DNAH6: variants seen among roughly 807,000 people sequenced by gnomAD.
The protein encoded by DNAH6 is dynein axonemal heavy chain 6.
In DNAH6, 340 loss-of-function variants were observed where a neutral mutation model predicts 491.4. The observed-to-expected ratio is 0.69, with a 90% CI of 0.63 to 0.76. DNAH6 has a LOEUF of 0.76. Ranked by LOEUF, DNAH6 falls within the 30% of genes least tolerant of loss-of-function variation. DNAH6 has a pLI of 0.00. For synonymous variants in DNAH6, 1,603 were observed against 1,686.1 expected, an observed-to-expected ratio of 0.95 and a Z score of 1.21; for missense variants, 4,443 against 4,972.2, an observed-to-expected ratio of 0.89 and a Z score of 3.20.
chr2:84,727,987 T>G, intron 61 of DNAH6, 85 bp downstream of exon 61: 3 of 849,372 alleles, frequency 3.5e-6, no homozygotes, highest in Non-Finnish European at 5.7e-6. Context: ...GCTACCATAA[T>G]TCCCATGTGC....
At chr2:84,511,798 T>C (rs1190886381), upstream of DNAH6, among the ~76,000 whole-genome samples, 1 of 152,246 alleles carries the variant, frequency 6.6e-6, no homozygotes, top group Admixed American at 6.5e-5. Flanking sequence ...TTCCCTCTTC[T>C]TCTGTTAATA....
chr2:84,525,641 C>T lies in DNAH6; in HGVS notation c.302C>T (p.Ala101Val). Residue 101 changes from alanine to valine, a missense_variant, in exon 3 of 77, where the codon GCA (alanine) becomes GTA (valine). By Grantham distance (64) the Ala-to-Val change is moderately conservative (BLOSUM62 0). Coordinates refer to ENST00000389394, the MANE Select transcript of DNAH6 (RefSeq NM_001370.2). ...HEQNRFQLMT[A>V]GIIKRPVSIA... Reference sequence around the variant, plus strand: ...CAGAACCGATTTCAGTTAATGACTGCAGGAATCATTAAACGTCCAGTAAGC... The same window carrying T: ...CAGAACCGATTTCAGTTAATGACTGTAGGAATCATTAAACGTCCAGTAAGC... 1 of 1,550,530 alleles carries T rather than the reference C, an allele frequency of 6.4e-7. No individual in the cohort carries two copies. Among genetic ancestry groups the T allele is most frequent in the South Asian group, 1.2e-5 (1 of 83,970 alleles).
chr2:84,814,583 A>G (rs1187106884), intron 75 of DNAH6, among the ~76,000 whole-genome samples: 1 of 152,168 alleles, frequency 6.6e-6, no homozygotes, highest in Non-Finnish European at 1.5e-5. Context: ...TTGAGGCTCC[A>G]GGAAGGTAAA....
In DNAH6 at chr2:84,762,829, G is replaced by C; in HGVS notation, c.10587G>C (p.Leu3529=). 1 of 1,551,200 alleles carries C rather than the reference G, an allele frequency of 6.4e-7. No individual in the cohort carries two copies. Among genetic ancestry groups the C allele is most frequent in the Non-Finnish European group, 8.7e-7 (1 of 1,146,630 alleles). ...TTATAGAGACACCACCTGTGGACCT[G>C]CCTACCCTGTATCAAGACATGTCAT... ...KQFIETPPVD[L]PTLYQDMSCN... is the part of the protein sequence containing the mutation. Residue 3529 remains leucine, a synonymous_variant, in exon 64 of 77, where the codon CTG becomes CTC. Transcript: ENST00000389394.
At chr2:84,548,715 G>A (rs923815849) in intron 8 of DNAH6, among the ~76,000 whole-genome samples, 5 of 152,092 alleles carry the variant, frequency 3.3e-5, no homozygotes, top group Non-Finnish European at 7.4e-5. Flanking sequence ...TGAATGCATG[G>A]CCCAGAAGAC....
chr2:84,702,158 A>G lies in DNAH6; in HGVS notation c.8061+819A>G, dbSNP rs182907299. Among the ~76,000 whole-genome samples, 23 of 152,350 alleles carry G rather than the reference A, an allele frequency of 1.5e-4. No homozygotes were observed. The East Asian group carries it at 4.0e-3, about 27-fold the overall frequency. On this transcript the variant is annotated intron_variant, in intron 49 of 76. Coordinates refer to ENST00000389394, the MANE Select transcript of DNAH6 (RefSeq NM_001370.2). ...GACTAAGAGCAAGGACTGGGGTATC[A>G]GCCAAACTGTGTACAGCCTATGTTC...
intron 62 of DNAH6, among the ~76,000 whole-genome samples, chr2:84,741,056 C>T (rs1672480905): frequency 6.6e-6 from 1 of 152,220 alleles, no homozygotes; most frequent in African/African-American, 2.4e-5. Context: ...GAGCCCCTCT[C>T]AGGCGAGCAG....
intron 15 of DNAH6, among the ~76,000 whole-genome samples, chr2:84,588,347 C>G (rs1573120410): frequency 6.6e-6 from 1 of 152,324 alleles, no homozygotes; most frequent in South Asian, 2.1e-4. Flanking sequence ...TATTCCATTC[C>G]CATTCACTGG....
At chr2:84,481,012 C>T in the DNAH6 span, among the ~76,000 whole-genome samples, 1 of 152,036 alleles carries the variant, frequency 6.6e-6, no homozygotes, top group African/African-American at 2.4e-5. Flanking sequence ...CACTCCAGGC[C>T]TGCATCCTCA....
intron 29 of DNAH6, among the ~76,000 whole-genome samples, chr2:84,628,990 TG>T (rs1688139382): frequency 6.6e-6 from 1 of 152,196 alleles, no homozygotes; most frequent in Non-Finnish European, 1.5e-5. Context: ...TGCATATGTG[TG>T]TGTGTGGTCC....
chr2:84,702,573 C>T (rs1180895445), intron 49 of DNAH6, among the ~76,000 whole-genome samples: 7 of 141,384 alleles, frequency 5.0e-5, no homozygotes, highest in Non-Finnish European at 9.1e-5. Context: ...GATGGAGTCT[C>T]GCTCTGTCAC....
chr2:84,763,688 G>T lies in DNAH6; in HGVS notation c.10703+743G>T, dbSNP rs115445663. Reference sequence around the variant, plus strand: ...AGTTCATGTTCTGTATTAGTCAGCAGTCTCCAGAGAAATAGAACTGATAGG... The same window carrying T: ...AGTTCATGTTCTGTATTAGTCAGCATTCTCCAGAGAAATAGAACTGATAGG... On this transcript the variant is annotated intron_variant, in intron 64 of 76. Coordinates refer to ENST00000389394, the MANE Select transcript of DNAH6 (RefSeq NM_001370.2). 4.0e-3 allele frequency among the ~76,000 whole-genome samples: 593 copies of T among 149,682 alleles called. 3 individuals carry two copies. Among genetic ancestry groups the T allele is most frequent in the African/African-American group, 0.014 (553 of 40,772 alleles).
chr2:84,806,680 C>A (rs1679446517), intron 71 of DNAH6, among the ~76,000 whole-genome samples: 1 of 141,622 alleles, frequency 7.1e-6, no homozygotes, highest in Non-Finnish European at 1.5e-5. Flanking sequence ...TATTTTAACA[C>A]TTTTCTTAGA....
At chr2:84,574,878 C>G (rs890000466) in intron 12 of DNAH6, among the ~76,000 whole-genome samples, 1 of 152,218 alleles carries the variant, frequency 6.6e-6, no homozygotes, top group Non-Finnish European at 1.5e-5. Context: ...TACCACAGTC[C>G]TCACGTTGGA....
chr2:84,714,262 T>C (rs1366937882), intron 57 of DNAH6, among the ~76,000 whole-genome samples: 1 of 152,238 alleles, frequency 6.6e-6, no homozygotes, highest in Non-Finnish European at 1.5e-5. Context: ...GCTATCTGTC[T>C]TCACCAGATG....
intron 2 of DNAH6, among the ~76,000 whole-genome samples, chr2:84,520,196 ATTAAT>A (rs1477288775): frequency 1.3e-5 from 2 of 152,034 alleles, no homozygotes; most frequent in African/African-American, 2.4e-5. Flanking sequence ...TTAATTGTAT[ATTAAT>A]TTCCATATAA....
chr2:84,725,788 A>T (rs1698569407), intron 60 of DNAH6, among the ~76,000 whole-genome samples: 1 of 152,156 alleles, frequency 6.6e-6, no homozygotes, highest in African/African-American at 2.4e-5. Context: ...TTTCACAGTG[A>T]AATTCTTTAG....
At chr2:84,562,476 C>T (rs1319255998) in intron 11 of DNAH6, among the ~76,000 whole-genome samples, 1 of 152,054 alleles carries the variant, frequency 6.6e-6, no homozygotes, top group East Asian at 1.9e-4. Context: ...TGAAAAGATG[C>T]TCAATGTTGT....
intron 37 of DNAH6, among the ~76,000 whole-genome samples, chr2:84,664,753 A>G (rs1457838911): frequency 6.6e-6 from 1 of 152,248 alleles, no homozygotes. Context: ...CAGACCTAAT[A>G]GACATCTACA....
Sources: gnomAD v4.1 joint callset for allele counts (sites outside exome capture counted in the v4.1 genomes callset) on GRCh38, gnomAD v4.1.1 for gene constraint, MANE v1.5 for transcripts, NCBI Gene and HGNC (gene_info 2026-07-23, HGNC 2026-07-21) for gene names.